XPNPEP1: variants seen among roughly 807,000 people sequenced by gnomAD.
XPNPEP1 encodes the protein X-prolyl aminopeptidase 1.
XPNPEP1 carries 39 observed loss-of-function variants against 92.4 expected under a neutral mutation model. That is an observed-to-expected ratio of 0.42 (90% CI 0.33 to 0.55). XPNPEP1 has a LOEUF of 0.55. Among genes scored for constraint, XPNPEP1 ranks in the 20% least tolerant of loss-of-function variants. The pLI is 0.08. For synonymous variants in XPNPEP1, 307 were observed against 299.4 expected (o/e 1.03, Z -0.26); for missense variants, 654 against 856.1 (o/e 0.76, Z 2.95).
At chr10:109,923,286 T>C in intron 1 of XPNPEP1, 116 bp downstream of exon 1, 1 of 1,217,416 alleles carries the variant, frequency 8.2e-7, no homozygotes, top group African/African-American at 1.6e-5. Context: ...CTCGCCAGAC[T>C]GCGGCGGGCC....
At chr10:109,894,708 C>G (rs974059925) in intron 3 of XPNPEP1, among the ~76,000 whole-genome samples, 2 of 152,328 alleles carry the variant, frequency 1.3e-5, no homozygotes, top group East Asian at 3.9e-4. Context: ...CCAGGCCCAG[C>G]TGCATAGTCT....
intron 8 of XPNPEP1, 118 bp downstream of exon 8, chr10:109,886,128 T>C (rs761324679): frequency 7.2e-6 from 7 of 977,202 alleles, no homozygotes; most frequent in Non-Finnish European, 1.1e-5. Flanking sequence ...TTTGGTGACG[T>C]AGTCTTCTTC....
intron 3 of XPNPEP1, among the ~76,000 whole-genome samples, chr10:109,897,694 C>T (rs147491407): frequency 0.013 from 1,896 of 151,320 alleles, 30 homozygotes; most frequent in South Asian, 0.098. Flanking sequence ...TGCTTTGTCG[C>T]CTGGGCTGGA....
In XPNPEP1 at chr10:109,884,120, C is replaced by T. The variant is rs1423692968; in HGVS notation, c.777G>A (p.Val259=). ...AWLFNLRGSD[V]EHNPVFFSYA... is the part of the protein sequence containing the mutation. Reference sequence around the variant, plus strand: ...AGGAGAAAAATACTGGATTGTGCTCCACATCTGATCCTCGGAGATTAAATA... The same window carrying T: ...AGGAGAAAAATACTGGATTGTGCTCTACATCTGATCCTCGGAGATTAAATA... The change falls in exon 9 of 21, where the codon GTG becomes GTA. Residue 259 remains valine (V), a synonymous_variant. Coordinates refer to ENST00000502935, the MANE Select transcript of XPNPEP1 (RefSeq NM_020383.4). 3 of 1,614,004 alleles carry T rather than the reference C, an allele frequency of 1.9e-6. No homozygotes were observed. The South Asian group carries it at 3.3e-5, about 18-fold the overall frequency.
At chr10:109,880,033 AT>A (rs1273702089) in intron 12 of XPNPEP1, among the ~76,000 whole-genome samples, 154 bp downstream of exon 12, 1 of 152,214 alleles carries the variant, frequency 6.6e-6, no homozygotes, top group African/African-American at 2.4e-5. Flanking sequence ...CACACACCAA[AT>A]TTCCAGAGAG....
intron 14 of XPNPEP1, chr10:109,877,579 A>G (rs1270572724): frequency 1.6e-6 from 1 of 611,722 alleles, no homozygotes; most frequent in Non-Finnish European, 2.8e-6. Context: ...TGCCAGTGCC[A>G]TACTGAGCCT....
At chr10:109,920,098 T>A (rs1028775314) in intron 1 of XPNPEP1, among the ~76,000 whole-genome samples, 1 of 151,180 alleles carries the variant, frequency 6.6e-6, no homozygotes, top group Non-Finnish European at 1.5e-5. Context: ...CTTGAAAACA[T>A]GCTAAGGGAA....
chr10:109,904,322 C>A (rs1183324690), intron 3 of XPNPEP1, among the ~76,000 whole-genome samples: 1 of 151,460 alleles, frequency 6.6e-6, no homozygotes, highest in African/African-American at 2.4e-5. Context: ...TTCTGCCAGG[C>A]TGAACAGCCA....
intron 12 of XPNPEP1, among the ~76,000 whole-genome samples, chr10:109,879,601 A>T (rs1847978746): frequency 6.6e-6 from 1 of 151,988 alleles, no homozygotes; most frequent in African/African-American, 2.4e-5. Flanking sequence ...TAATAATAAT[A>T]ATTTACATAG....
intron 2 of XPNPEP1, among the ~76,000 whole-genome samples, chr10:109,908,692 A>G (rs1849689575): frequency 6.6e-6 from 1 of 152,236 alleles, no homozygotes; most frequent in Non-Finnish European, 1.5e-5. Context: ...TGCAAAGAGA[A>G]GTTTCTAGAA....
intron 17 of XPNPEP1, among the ~76,000 whole-genome samples, chr10:109,871,460 G>A (rs180727969): frequency 6.6e-6 from 1 of 152,342 alleles, no homozygotes; most frequent in Admixed American, 6.5e-5. Flanking sequence ...CTAAAGGGCA[G>A]ACAGGAGGCT....
chr10:109,878,845 C>T (rs1847923247), intron 12 of XPNPEP1, among the ~76,000 whole-genome samples: 1 of 151,426 alleles, frequency 6.6e-6, no homozygotes, highest in African/African-American at 2.4e-5. Context: ...CCACTACTCT[C>T]CAGCCTGTGC....
Position 109,886,452 on chromosome 10 carries a change from C to T in XPNPEP1, c.653-111G>A, listed in dbSNP as rs1848394804. ...TAATCAGCACCATTTCTTACAGGAG[C>T]ACGCTACTTAAACAGGCAGGAGGCC... is the stretch of plus-strand genomic sequence containing the variant. On this transcript the variant is annotated intron_variant, in intron 7 of 20. Coordinates refer to ENST00000502935, the MANE Select transcript of XPNPEP1 (RefSeq NM_020383.4). 3.1e-6 allele frequency: 3 copies of T among 982,266 alleles called. No individual in the cohort carries two copies. In the East Asian group the frequency reaches 7.8e-5, roughly 26 times the overall value. 60.8% of individuals were successfully genotyped at this position (982,266 alleles called of 1,614,324 possible).
chr10:109,873,612 G>C, intron 15 of XPNPEP1, 185 bp from the exon 16 acceptor site: 1 of 575,520 alleles, frequency 1.7e-6, no homozygotes, highest in Non-Finnish European at 3.1e-6. Flanking sequence ...ATATGACCCA[G>C]TAATTCCACT....
chr10:109,865,438 T>C (rs549680912), intron 20 of XPNPEP1, 126 bp from the exon 21 acceptor site: 11 of 1,249,514 alleles, frequency 8.8e-6, no homozygotes, highest in Non-Finnish European at 1.2e-5. Flanking sequence ...TGCAACACCC[T>C]TTCTCCTTAC....
chr10:109,897,898 C>T (rs1849071237), intron 3 of XPNPEP1, among the ~76,000 whole-genome samples: 2 of 152,076 alleles, frequency 1.3e-5, no homozygotes, highest in Admixed American at 6.5e-5. Context: ...AAGTGATCCG[C>T]CTGCCTCGAC....
rs1589636067 is a variant in XPNPEP1, at chr10:109,915,199, A to G, written c.33-100T>C. ...TCGCTTAACTTAGCAGTTCTCTAAC[A>G]TGAGTCAGAAGAACTTTCACCCCCA... On this transcript the variant is annotated intron_variant, in intron 1 of 20. Transcript: ENST00000502935. 4 of 560,412 alleles carry G rather than the reference A, an allele frequency of 7.1e-6. No homozygotes were observed. The East Asian group carries it at 1.0e-4, about 14-fold the overall frequency. 34.7% of individuals were successfully genotyped at this position (560,412 alleles called of 1,614,324 possible). A position where few individuals can be genotyped will look rare whatever the true frequency, so the allele number is the denominator to read the frequency against.
chr10:109,883,344 C>A (rs999250097), intron 9 of XPNPEP1, among the ~76,000 whole-genome samples: 1 of 152,042 alleles, frequency 6.6e-6, no homozygotes, highest in Non-Finnish European at 1.5e-5. Context: ...CTAACTCACC[C>A]ACATTTATCC....
intron 2 of XPNPEP1, among the ~76,000 whole-genome samples, chr10:109,909,709 A>T (rs1403673455): frequency 2.0e-5 from 3 of 152,244 alleles, no homozygotes; most frequent in African/African-American, 7.2e-5. Flanking sequence ...TGCATATTTC[A>T]CTATATCCCA....
Sources: allele counts gnomAD v4.1 joint callset (sites outside exome capture counted in the v4.1 genomes callset), GRCh38; gene constraint gnomAD v4.1.1; transcripts MANE v1.5; gene names NCBI Gene and HGNC (gene_info 2026-07-23, HGNC 2026-07-21).